The following CHMP4C variants were observed in gnomAD, a reference collection of about 807,000 sequenced individuals.
The protein encoded by CHMP4C is SNF7 homolog associated with Alix 3.
In CHMP4C, 28 loss-of-function variants were observed where a neutral mutation model predicts 29.0. The observed-to-expected ratio is 0.97, with a 90% confidence interval of 0.72 to 1.32. CHMP4C has a LOEUF of 1.32. Ranked by LOEUF, CHMP4C falls within the 40% of genes most tolerant of loss-of-function variation. CHMP4C has a pLI of 0.00. For missense variants in CHMP4C, 291 were observed against 281.0 expected (o/e 1.04, Z -0.25); for synonymous variants, 106 against 102.4 (o/e 1.04, Z -0.21).
intron 1 of CHMP4C, among the ~76,000 whole-genome samples, chr8:81,751,517 A>G (rs1280989687): frequency 1.3e-5 from 2 of 152,136 alleles, no homozygotes; most frequent in Non-Finnish European, 2.9e-5. Context: ...AACATAGAAG[A>G]AAACTTGTTT....
rs1190782116 is a variant in CHMP4C, at chr8:81,732,614, G to A, written c.-13G>A. Reference sequence around the variant, plus strand: ...AGGCCCCCGGGATCGCTGGCCCTCCGAACTCCACAGCAATGAGCAAGTTGG... The same window carrying A: ...AGGCCCCCGGGATCGCTGGCCCTCCAAACTCCACAGCAATGAGCAAGTTGG... On this transcript the variant is annotated 5_prime_UTR_variant, in exon 1 of 5. Coordinates refer to ENST00000297265, the MANE Select transcript of CHMP4C (RefSeq NM_152284.4). 2.6e-6 allele frequency: 4 copies of A among 1,525,394 alleles called. No individual in the cohort carries two copies. Among genetic ancestry groups the A allele is most frequent in the Non-Finnish European group, 3.5e-6 (4 of 1,134,256 alleles). 94.5% of individuals were successfully genotyped at this position (1,525,394 alleles called of 1,614,324 possible).
chr8:81,737,709 G>C (rs988430349), intron 1 of CHMP4C, among the ~76,000 whole-genome samples: 1 of 152,108 alleles, frequency 6.6e-6, no homozygotes, highest in African/African-American at 2.4e-5. Context: ...GTCTAATCCT[G>C]TTTCCTTATC....
chr8:81,741,754 C>T (rs553258160), intron 1 of CHMP4C, among the ~76,000 whole-genome samples: 1 of 152,276 alleles, frequency 6.6e-6, no homozygotes, highest in East Asian at 1.9e-4. Context: ...TTAAATGCCA[C>T]AGTCTCATCT....
At chr8:81,756,726 T>C (rs1160192639) in intron 3 of CHMP4C, among the ~76,000 whole-genome samples, 1 of 152,170 alleles carries the variant, frequency 6.6e-6, no homozygotes, top group Non-Finnish European at 1.5e-5. Flanking sequence ...CATTAATATG[T>C]TTCTGCTGCT....
chr8:81,735,139 C>T (rs1808671528), intron 1 of CHMP4C, among the ~76,000 whole-genome samples: 1 of 152,182 alleles, frequency 6.6e-6, no homozygotes, highest in Non-Finnish European at 1.5e-5. Context: ...AGTGAACCTC[C>T]TGCCTGAGTC....
rs974529308 is a variant in CHMP4C, at chr8:81,751,823, A to G, written c.191-1241A>G. ...AATCATAAAAACTAAACACTCATGTAGCGAAATATAGGTGTCTTTAATATG... is the reference window on the plus strand; with the variant it reads ...AATCATAAAAACTAAACACTCATGTGGCGAAATATAGGTGTCTTTAATATG... On this transcript the variant is annotated intron_variant, in intron 1 of 4. Coordinates refer to ENST00000297265, the MANE Select transcript of CHMP4C (RefSeq NM_152284.4). Among the ~76,000 whole-genome samples, 4 of 152,290 alleles carry G rather than the reference A, an allele frequency of 2.6e-5. No homozygotes were observed. The South Asian group carries it at 8.3e-4, about 32-fold the overall frequency.
At chr8:81,747,220 C>G (rs955114202) in intron 1 of CHMP4C, among the ~76,000 whole-genome samples, 2 of 152,086 alleles carry the variant, frequency 1.3e-5, no homozygotes, top group African/African-American at 4.8e-5. Flanking sequence ...AAACATAGGT[C>G]TAGAGCTTCA....
rs1265725267 is a variant in CHMP4C at position 81,732,772 on chromosome 8, G to A, written c.146G>A (p.Arg49Lys). Residue 49 changes from arginine (R) to lysine (K), a missense_variant, in exon 1 of 5, where the codon AGA becomes AAA. Physicochemically the swap from Arg to Lys is conservative, Grantham distance 26. Coordinates refer to ENST00000297265, the MANE Select transcript of CHMP4C (RefSeq NM_152284.4). ...KQEYLENRIQ[R>K]EIALAKKHGT... ...GAGTACCTGGAAAATCGAATCCAGAGAGAAATCGCCCTGGCCAAGAAGCAC... is the reference window on the plus strand; with the variant it reads ...GAGTACCTGGAAAATCGAATCCAGAAAGAAATCGCCCTGGCCAAGAAGCAC... 3 of 1,612,142 alleles carry A rather than the reference G, an allele frequency of 1.9e-6. No individual in the cohort carries two copies. The highest frequency in any genetic ancestry group is 1.3e-5 in the African/African-American group (1 of 75,040).
At chr8:81,739,418 T>TGGGCG (rs1554592451) in intron 1 of CHMP4C, among the ~76,000 whole-genome samples, 3 of 93,578 alleles carry the variant, frequency 3.2e-5, no homozygotes, top group East Asian at 8.7e-4. Flanking sequence ...TGGGGGATTG[T>TGGGCG]GGGGGGGGGT....
intron 1 of CHMP4C, among the ~76,000 whole-genome samples, chr8:81,751,161 C>T (rs1414090514): frequency 6.6e-6 from 1 of 152,058 alleles, no homozygotes; most frequent in Non-Finnish European, 1.5e-5. Context: ...TATATCAATG[C>T]ACCTTTTCTG....
Position 81,758,205 on chromosome 8 carries a change from A to G in CHMP4C, c.547A>G (p.Ile183Val). The change falls in exon 4 of 5, where the codon ATC (isoleucine) becomes GTC (valine). Residue 183 changes from isoleucine (I) to valine (V), a missense_variant. By Grantham distance (29) the Ile-to-Val change is conservative. Coordinates refer to ENST00000297265, the MANE Select transcript of CHMP4C (RefSeq NM_152284.4). ...QEELNKKMTN[I>V]RLPNVPSSSL... ...GGAATTAAATAAGAAGATGACAAAT[A>G]TCCGCCTTCCAAATGTGCCTTCCTC... 1 of 1,613,906 alleles carries G rather than the reference A, an allele frequency of 6.2e-7. No homozygotes were observed. Among genetic ancestry groups the G allele is most frequent in the Non-Finnish European group, 8.5e-7 (1 of 1,179,884 alleles).
chr8:81,732,795 C>T lies in CHMP4C; in HGVS notation c.169C>T (p.His57Tyr). ...GAGAGAAATCGCCCTGGCCAAGAAG[C>T]ACGGCACGCAGAATAAGCGAGGTAG... Reference protein sequence around the residue: ...IQREIALAKKHGTQNKRAALQ... With the variant: ...IQREIALAKKYGTQNKRAALQ... Residue 57 changes from histidine (H) to tyrosine (Y), a missense_variant, in exon 1 of 5, where the codon CAC becomes TAC. Coordinates refer to ENST00000297265, the MANE Select transcript of CHMP4C (RefSeq NM_152284.4). 1 of 1,612,240 alleles carries T rather than the reference C, an allele frequency of 6.2e-7. No homozygotes were observed. Among genetic ancestry groups the T allele is most frequent in the Non-Finnish European group, 8.5e-7 (1 of 1,179,236 alleles).
chr8:81,732,691 C>T lies in CHMP4C; in HGVS notation c.65C>T (p.Pro22Leu), dbSNP rs1208893747. ...TCTAAGAGCCGAGCCGCTCCCAGTC[C>T]CCAGGAGGCCCTGGTCCGACTTCGG... is the stretch of plus-strand genomic sequence containing the variant. Reference protein sequence around the residue: ...GSSKSRAAPSPQEALVRLRET... With the variant: ...GSSKSRAAPSLQEALVRLRET... Residue 22 changes from proline (P) to leucine (L), a missense_variant, in exon 1 of 5, where the codon CCC (proline) becomes CTC (leucine). Coordinates refer to ENST00000297265, the MANE Select transcript of CHMP4C (RefSeq NM_152284.4). 6.3e-7 allele frequency: 1 copy of T among 1,589,490 alleles called. No homozygotes were observed. Among genetic ancestry groups the T allele is most frequent in the African/African-American group, 1.3e-5 (1 of 74,686 alleles).
In CHMP4C at chr8:81,753,239, C is replaced by T. The variant is rs1456281393; in HGVS notation, c.366C>T (p.Asn122=). The change falls in exon 2 of 5, where the codon AAC becomes AAT. Residue 122 remains asparagine (N), a splice_region_variant and synonymous_variant. Transcript: ENST00000297265. ...AAGCGATGAAATCTGTTCATGAAAA[C>T]ATGTGAGTGACTCTGGTCTCCCTCT... ...AAKAMKSVHE[N]MDLNKIDDLM... 1 of 1,597,564 alleles carries T rather than the reference C, an allele frequency of 6.3e-7. No individual in the cohort carries two copies. Among genetic ancestry groups the T allele is most frequent in the African/African-American group, 1.4e-5 (1 of 74,028 alleles).
intron 1 of CHMP4C, among the ~76,000 whole-genome samples, chr8:81,740,117 T>C (rs1250335898): frequency 1.3e-5 from 2 of 152,208 alleles, no homozygotes; most frequent in Non-Finnish European, 1.5e-5. Context: ...GTTAAAATAT[T>C]GAATAAGACA....
At chr8:81,748,796 G>C (rs970802125) in intron 1 of CHMP4C, among the ~76,000 whole-genome samples, 2 of 151,892 alleles carry the variant, frequency 1.3e-5, no homozygotes, top group Non-Finnish European at 2.9e-5. Context: ...TCATAGTGGC[G>C]CATGCCTGTA....
intron 2 of CHMP4C, 142 bp from the exon 3 acceptor site, chr8:81,755,228 T>G: frequency 2.4e-6 from 1 of 414,768 alleles, no homozygotes; most frequent in Non-Finnish European, 4.3e-6. Flanking sequence ...CTTTAAAGTT[T>G]ATAAATATCA....
In CHMP4C at chr8:81,732,731, G is replaced by A; in HGVS notation, c.105G>A (p.Met35Ile). Residue 35 changes from methionine to isoleucine, a missense_variant, in exon 1 of 5, where the codon ATG becomes ATA. Physicochemically the swap from Met to Ile is conservative, Grantham distance 10. Transcript: ENST00000297265. ...TCCGACTTCGGGAGACTGAGGAGAT[G>A]CTGGGCAAGAAACAAGAGTACCTGG... ...ALVRLRETEE[M>I]LGKKQEYLEN... 1 of 1,606,706 alleles carries A rather than the reference G, an allele frequency of 6.2e-7. No individual in the cohort carries two copies. Among genetic ancestry groups the A allele is most frequent in the Non-Finnish European group, 8.5e-7 (1 of 1,176,616 alleles).
At chr8:81,750,479 G>A (rs952076227) in intron 1 of CHMP4C, among the ~76,000 whole-genome samples, 1 of 151,652 alleles carries the variant, frequency 6.6e-6, no homozygotes. Context: ...AGTGACATGT[G>A]CCTGTAGTTG....
Sources: allele counts gnomAD v4.1 joint callset (sites outside exome capture counted in the v4.1 genomes callset), GRCh38; gene constraint gnomAD v4.1.1; transcripts MANE v1.5; gene names NCBI Gene and HGNC (gene_info 2026-07-23, HGNC 2026-07-21).